NEGR1: variants seen among roughly 807,000 people sequenced by gnomAD.
NEGR1 encodes neuronal growth regulator 1.
A neutral mutation model predicts 40.9 loss-of-function variants in NEGR1; 10 were observed. The ratio of observed to expected loss-of-function variants is 0.24; its 90% CI spans 0.15 to 0.42. The LOEUF is 0.42. Ranked by LOEUF, NEGR1 falls within the 10% of genes least tolerant of loss-of-function variation. The probability of loss-of-function intolerance (pLI) is 1.00; values close to 1 mark genes in which losing one functional copy is unlikely to be tolerated. For synonymous variants in NEGR1, 185 were observed against 166.8 expected (o/e 1.11, Z -0.84); for missense variants, 352 against 438.9 (o/e 0.80, Z 1.77).
intron 1 of NEGR1, among the ~76,000 whole-genome samples, chr1:72,262,337 A>G (rs1172502742): frequency 6.6e-6 from 1 of 152,036 alleles, no homozygotes; most frequent in Non-Finnish European, 1.5e-5. Flanking sequence ...CTGAAGTGAA[A>G]GCTCAAATAG....
intron 6 of NEGR1, among the ~76,000 whole-genome samples, chr1:71,517,521 C>G (rs1647126531): frequency 7.4e-6 from 1 of 135,154 alleles, no homozygotes; most frequent in Non-Finnish European, 1.5e-5. Context: ...TGACAAAATT[C>G]AACAACCCTT....
intron 1 of NEGR1, among the ~76,000 whole-genome samples, chr1:72,134,644 CTTTTTT>C (rs57127142): frequency 1.2e-4 from 18 of 146,452 alleles, no homozygotes; most frequent in Non-Finnish European, 1.5e-4. Context: ...TAGAGGTTTC[CTTTTTT>C]TTTTTTTTTT....
At chr1:71,730,169 G>C (rs950617645) in intron 3 of NEGR1, among the ~76,000 whole-genome samples, 1 of 152,058 alleles carries the variant, frequency 6.6e-6, no homozygotes, top group Non-Finnish European at 1.5e-5. Context: ...TAGTTGGAAA[G>C]ATAACTAGAA....
chr1:71,473,908 T>C (rs1646801019), intron 6 of NEGR1, among the ~76,000 whole-genome samples: 2 of 152,102 alleles, frequency 1.3e-5, no homozygotes, highest in Non-Finnish European at 1.5e-5. Context: ...AAAAAAAATT[T>C]TGGAAGCTGC....
chr1:72,230,109 T>C (rs1654316960), intron 1 of NEGR1, among the ~76,000 whole-genome samples: 3 of 152,088 alleles, frequency 2.0e-5, no homozygotes, highest in African/African-American at 4.8e-5. Context: ...CATCTGCCAA[T>C]GTAATTCTAG....
intron 4 of NEGR1, among the ~76,000 whole-genome samples, chr1:71,614,325 C>T (rs1650370150): frequency 6.6e-6 from 1 of 151,862 alleles, no homozygotes; most frequent in Middle Eastern, 3.4e-3. Context: ...CTTATATATA[C>T]ACATTTATCT....
At chr1:71,668,401 A>T (rs559393662) in intron 4 of NEGR1, among the ~76,000 whole-genome samples, 3 of 152,336 alleles carry the variant, frequency 2.0e-5, no homozygotes, top group Non-Finnish European at 4.4e-5. Flanking sequence ...CCAGGCTGAT[A>T]GAGGAGGATA....
intron 3 of NEGR1, among the ~76,000 whole-genome samples, chr1:71,770,668 C>T (rs1340039392): frequency 6.6e-6 from 1 of 152,134 alleles, no homozygotes; most frequent in African/African-American, 2.4e-5. Flanking sequence ...TTTGGTGTGA[C>T]TCCTAATGGT....
At chr1:72,161,844 T>TTTTTG (rs1184800983) in intron 1 of NEGR1, among the ~76,000 whole-genome samples, 1 of 151,426 alleles carries the variant, frequency 6.6e-6, no homozygotes, top group Non-Finnish European at 1.5e-5. Flanking sequence ...GCCTGGCTAA[T>TTTTTG]TTTTGTTTTG....
intron 2 of NEGR1, among the ~76,000 whole-genome samples, chr1:71,894,848 T>C (rs1660922232): frequency 1.3e-5 from 2 of 152,058 alleles, no homozygotes; most frequent in South Asian, 4.1e-4. Context: ...TTTGAGGATA[T>C]AGTGTGCTAT....
At chr1:71,623,181 T>C (rs1356042568) in intron 4 of NEGR1, among the ~76,000 whole-genome samples, 1 of 151,812 alleles carries the variant, frequency 6.6e-6, no homozygotes, top group East Asian at 1.9e-4. Flanking sequence ...GAAATATAGT[T>C]GTAAACTACC....
chr1:72,241,344 A>G (rs1654736997), intron 1 of NEGR1, among the ~76,000 whole-genome samples: 2 of 144,764 alleles, frequency 1.4e-5, no homozygotes, highest in African/African-American at 5.2e-5. Context: ...ATTTGTGGAT[A>G]CCTGATATTC....
rs188498401 is a variant in NEGR1, at chr1:71,426,546, T to C, written c.941-18976A>G. On this transcript the variant is annotated intron_variant, in intron 6 of 6. Coordinates refer to ENST00000357731, the MANE Select transcript of NEGR1 (RefSeq NM_173808.3). ...GTAGGTGGTATTTCATCTTATCATA[T>C]TAAAACAGTCTTCCCAAATGTAAAA... is the stretch of plus-strand genomic sequence containing the variant. 3.9e-3 allele frequency among the ~76,000 whole-genome samples: 592 copies of C among 151,994 alleles called. 2 individuals are homozygous for C. Among genetic ancestry groups the C allele is most frequent in the Admixed American group, 6.1e-3 (93 of 15,242 alleles).
intron 6 of NEGR1, among the ~76,000 whole-genome samples, chr1:71,432,906 CT>C (rs1646479226): frequency 1.3e-5 from 2 of 152,238 alleles, no homozygotes; most frequent in Non-Finnish European, 2.9e-5. Context: ...ATTTGTATGT[CT>C]TTTTTCTTAT....
chr1:71,563,547 A>G (rs1475626200), intron 6 of NEGR1, among the ~76,000 whole-genome samples: 1 of 152,058 alleles, frequency 6.6e-6, no homozygotes, highest in African/African-American at 2.4e-5. Flanking sequence ...AGAACTAGAA[A>G]GACAAGTAAA....
chr1:72,035,509 GC>G (rs2100446584), intron 1 of NEGR1, among the ~76,000 whole-genome samples: 1 of 152,260 alleles, frequency 6.6e-6, no homozygotes, highest in Admixed American at 6.5e-5. Flanking sequence ...ACTAAACATG[GC>G]ATTCAGACTC....
chr1:71,611,150 C>T lies in NEGR1; in HGVS notation c.668-4G>A, dbSNP rs1650236184. 1 of 1,612,364 alleles carries T rather than the reference C, an allele frequency of 6.2e-7. No individual in the cohort carries two copies. The highest frequency in any genetic ancestry group is 1.3e-5 in the African/African-American group (1 of 74,950). On this transcript the variant is annotated splice_region_variant and splice_polypyrimidine_tract_variant and intron_variant, in intron 4 of 6. Transcript: ENST00000357731. Reference sequence around the variant, plus strand: ...ATTTCCTGAATAGTAGGAGCAACTGCAAAAGAAACAAACAAACAAATACTA... The same window carrying T: ...ATTTCCTGAATAGTAGGAGCAACTGTAAAAGAAACAAACAAACAAATACTA...
At chr1:71,852,203 T>G in intron 2 of NEGR1, among the ~76,000 whole-genome samples, 1 of 152,088 alleles carries the variant, frequency 6.6e-6, no homozygotes, top group East Asian at 1.9e-4. Context: ...GAGATTGCAC[T>G]GGAGACAGAC....
At chr1:71,833,448 G>C (rs565184570) in intron 2 of NEGR1, among the ~76,000 whole-genome samples, 1 of 152,030 alleles carries the variant, frequency 6.6e-6, no homozygotes, top group South Asian at 2.1e-4. Context: ...TTTCTCCATG[G>C]TTGGTCAAGA....
Sources: gnomAD v4.1 joint callset for allele counts (sites outside exome capture counted in the v4.1 genomes callset) on GRCh38, gnomAD v4.1.1 for gene constraint, MANE v1.5 for transcripts, NCBI Gene and HGNC (gene_info 2026-07-23, HGNC 2026-07-21) for gene names.